Variants in FOXP2 observed in about 807,000 individuals in gnomAD.
The protein encoded by FOXP2 is forkhead box P2.
Under a neutral mutation model 115.8 loss-of-function variants are expected in FOXP2, and 12 were observed. That is an observed-to-expected ratio of 0.10 (90% CI 0.07 to 0.17). FOXP2 has a LOEUF of 0.17. FOXP2 is among the 10% of genes least tolerant of loss of function. The pLI, the probability that FOXP2 is intolerant of heterozygous loss-of-function variation, is 1.00. For missense variants in FOXP2, 629 were observed against 843.5 expected (o/e 0.75, Z 3.15); for synonymous variants, 328 against 297.7 (o/e 1.10, Z -1.05).
chr7:114,608,596 T>C (rs1368753905), intron 3 of FOXP2, among the ~76,000 whole-genome samples: 1 of 152,112 alleles, frequency 6.6e-6, no homozygotes, highest in African/African-American at 2.4e-5. Context: ...TAGAAACAAG[T>C]CACAGGTTCT....
chr7:114,203,482 G>A lies in FOXP2; in HGVS notation c.-102+40394G>A, dbSNP rs566304992. 3.7e-4 allele frequency among the ~76,000 whole-genome samples: 56 copies of A among 152,162 alleles called. No individual in the cohort carries two copies. The Middle Eastern group carries it at 0.01, about 28-fold the overall frequency. ...TTAGTAGCTAGGACTACAAGTGTGC[G>A]CCACCAGGCCCAGCTAATTTTTTTT... On this transcript the variant is annotated intron_variant, in intron 1 of 17. Transcript: ENST00000634411.
At chr7:114,430,943 G>T (rs190534144) in intron 2 of FOXP2, among the ~76,000 whole-genome samples, 15 of 152,008 alleles carry the variant, frequency 9.9e-5, no homozygotes, top group African/African-American at 3.6e-4. Context: ...TATGTAATTT[G>T]TCTCATGAAT....
intron 1 of FOXP2, among the ~76,000 whole-genome samples, chr7:114,260,799 T>A (rs1795729374): frequency 6.6e-6 from 1 of 152,086 alleles, no homozygotes; most frequent in Non-Finnish European, 1.5e-5. Context: ...AGCTAGTGAA[T>A]ATCTTAGTGG....
At chr7:114,304,487 C>T (rs1028663433) in intron 2 of FOXP2, among the ~76,000 whole-genome samples, 1 of 151,422 alleles carries the variant, frequency 6.6e-6, no homozygotes, top group East Asian at 1.9e-4. Flanking sequence ...GCCTGGCCAA[C>T]GTGACAAAAT....
In FOXP2 at chr7:114,693,117, T is replaced by A. The variant is rs1402425078; in HGVS notation, c.*3191T>A. On this transcript the variant is annotated 3_prime_UTR_variant, in exon 17 of 17. Transcript: ENST00000350908. ...GGCTTAAGGCTTATATTCTATGTGG[T>A]TGGATTCGTGGCACAGTTGTACTAT... is the stretch of plus-strand genomic sequence containing the variant. 4.4e-6 allele frequency: 2 copies of A among 453,840 alleles called. No individual in the cohort carries two copies. The highest frequency in any genetic ancestry group is 4.4e-6 in the Non-Finnish European group (1 of 226,672). 28.1% of individuals were successfully genotyped at this position (453,840 alleles called of 1,614,324 possible). A position where few individuals can be genotyped will look rare whatever the true frequency, so the allele number is the denominator to read the frequency against.
At chr7:114,122,942 T>C (rs1404960955) in intron 1 of FOXP2, among the ~76,000 whole-genome samples, 1 of 152,078 alleles carries the variant, frequency 6.6e-6, no homozygotes, top group East Asian at 1.9e-4. Context: ...ACAGATTTAT[T>C]TACCTGTTCT....
At chr7:114,296,902 A>G (rs1174375556) in intron 2 of FOXP2, among the ~76,000 whole-genome samples, 1 of 152,200 alleles carries the variant, frequency 6.6e-6, no homozygotes, top group Admixed American at 6.5e-5. Context: ...TTCTCTTATA[A>G]TTTATCTTGT....
intron 1 of FOXP2, among the ~76,000 whole-genome samples, chr7:114,188,164 G>A (rs1793662488): frequency 6.6e-6 from 1 of 152,066 alleles, no homozygotes; most frequent in African/African-American, 2.4e-5. Context: ...CAGTCATGGT[G>A]CTCTACTAAA....
At chr7:114,461,147 T>A (rs1795542163) in intron 2 of FOXP2, among the ~76,000 whole-genome samples, 1 of 152,192 alleles carries the variant, frequency 6.6e-6, no homozygotes, top group South Asian at 2.1e-4. Context: ...ATCATACCTA[T>A]CTTTGAGTTT....
chr7:114,218,917 C>T (rs1452333391), intron 1 of FOXP2, among the ~76,000 whole-genome samples: 1 of 152,092 alleles, frequency 6.6e-6, no homozygotes, highest in South Asian at 2.1e-4. Flanking sequence ...TACCAGCTGC[C>T]GTCCTGAACT....
chr7:114,667,985 C>T (rs1585010907), intron 16 of FOXP2: 1 of 152,106 alleles, frequency 6.6e-6, no homozygotes, highest in South Asian at 2.1e-4. Context: ...AGACAACCAA[C>T]TGAATGCTAG....
chr7:114,642,653 A>T lies in FOXP2; in HGVS notation c.989+30A>T. On this transcript the variant is annotated intron_variant, in intron 7 of 16. Transcript: ENST00000350908. ...ATCTCATGAGCTTTATTCTATATTTATCTATTTTCAGATTTTATTTTCACC... is the reference window on the plus strand; with the variant it reads ...ATCTCATGAGCTTTATTCTATATTTTTCTATTTTCAGATTTTATTTTCACC... 4 of 1,589,976 alleles carry T rather than the reference A, an allele frequency of 2.5e-6. No homozygotes were observed. In the South Asian group the frequency reaches 4.4e-5, roughly 18 times the overall value.
At chr7:114,096,532 A>C in intron 1 of FOXP2, among the ~76,000 whole-genome samples, 1 of 152,140 alleles carries the variant, frequency 6.6e-6, no homozygotes, top group East Asian at 1.9e-4. Flanking sequence ...ACGACAGTGC[A>C]ATTTATTTCT....
At chr7:114,229,686 C>G (rs1387467744) in intron 1 of FOXP2, among the ~76,000 whole-genome samples, 1 of 151,358 alleles carries the variant, frequency 6.6e-6, no homozygotes, top group Non-Finnish European at 1.5e-5. Context: ...AGAAAAATCT[C>G]TTGAGATTAA....
Position 114,309,008 on chromosome 7 carries a change from G to A in FOXP2, c.-11+20899G>A, listed in dbSNP as rs527278829. On this transcript the variant is annotated intron_variant, in intron 2 of 17. Transcript: ENST00000634411. ...ATTTTCTCAAATTTCTACATATCTT[G>A]TAAGCAGAGGTACTATCTAATCTTT... 3.3e-5 allele frequency among the ~76,000 whole-genome samples: 5 copies of A among 152,296 alleles called. No homozygotes were observed. In the South Asian group the frequency reaches 1.0e-3, roughly 32 times the overall value.
At chr7:114,158,344 T>C (rs1427996349), upstream of FOXP2, among the ~76,000 whole-genome samples, 1 of 151,978 alleles carries the variant, frequency 6.6e-6, no homozygotes, top group Non-Finnish European at 1.5e-5. Flanking sequence ...AGCTTGCAAG[T>C]ATTATTTGTT....
At chr7:114,331,025 C>A (rs905454733) in intron 2 of FOXP2, among the ~76,000 whole-genome samples, 1 of 152,088 alleles carries the variant, frequency 6.6e-6, no homozygotes, top group African/African-American at 2.4e-5. Flanking sequence ...CTTATGAAGT[C>A]TTTGTGTTTG....
intron 3 of FOXP2, among the ~76,000 whole-genome samples, chr7:114,575,658 G>A (rs1378679011): frequency 1.3e-5 from 2 of 151,828 alleles, no homozygotes; most frequent in Non-Finnish European, 2.9e-5. Context: ...GCTAAAATAC[G>A]TAAGGAAAAG....
chr7:114,265,327 T>G (rs1156706113), intron 1 of FOXP2, among the ~76,000 whole-genome samples: 1 of 152,154 alleles, frequency 6.6e-6, no homozygotes, highest in Non-Finnish European at 1.5e-5. Flanking sequence ...CAGGTGAGTT[T>G]GAAACCCAGC....
Sources: gnomAD v4.1 joint callset for allele counts (sites outside exome capture counted in the v4.1 genomes callset) on GRCh38, gnomAD v4.1.1 for gene constraint, MANE v1.5 for transcripts, NCBI Gene and HGNC (gene_info 2026-07-23, HGNC 2026-07-21) for gene names.